SDK1: variants seen among roughly 807,000 people sequenced by gnomAD.
SDK1 encodes the protein sidekick cell adhesion molecule 1.
SDK1 carries 157 observed loss-of-function variants against 245.5 expected under a neutral mutation model. That is an observed-to-expected ratio of 0.64 (90% CI 0.56 to 0.73). SDK1 has a LOEUF of 0.73. SDK1 is among the 30% of genes least tolerant of loss of function. The pLI, the probability that SDK1 is intolerant of heterozygous loss-of-function variation, is 0.00. For synonymous variants in SDK1, 1,647 were observed against 1,278.5 expected, an observed-to-expected ratio of 1.29 and a Z score of -6.15; for missense variants, 3,583 against 3,002.3, an observed-to-expected ratio of 1.19 and a Z score of -4.52.
At chr7:3,586,764 C>A (rs541596191) in intron 1 of SDK1, among the ~76,000 whole-genome samples, 12 of 150,900 alleles carry the variant, frequency 8.0e-5, no homozygotes, top group Admixed American at 2.6e-4. Flanking sequence ...TGTCTAAGGA[C>A]AGAGTAGCCT....
At chr7:3,392,203 A>G (rs1781776219) in intron 1 of SDK1, among the ~76,000 whole-genome samples, 1 of 152,182 alleles carries the variant, frequency 6.6e-6, no homozygotes, top group South Asian at 2.1e-4. Flanking sequence ...AGTAAAGAGA[A>G]AAGCATGATG....
chr7:4,045,182 A>G (rs762861107), intron 17 of SDK1, among the ~76,000 whole-genome samples: 1 of 152,132 alleles, frequency 6.6e-6, no homozygotes, highest in African/African-American at 2.4e-5. Context: ...GTTTAAAAAC[A>G]TTTAGGATGT....
intron 44 of SDK1, among the ~76,000 whole-genome samples, chr7:4,258,429 G>T (rs975571097): frequency 2.0e-5 from 3 of 152,174 alleles, no homozygotes; most frequent in African/African-American, 4.8e-5. Context: ...TTCGTAGCAT[G>T]CCCTCCCACT....
intron 19 of SDK1, among the ~76,000 whole-genome samples, chr7:4,065,704 T>G (rs942831953): frequency 1.2e-4 from 10 of 81,266 alleles, no homozygotes; most frequent in African/African-American, 5.7e-4. Context: ...GTTTTTTTTT[T>G]TTTTTTTTTT....
chr7:3,393,841 T>A (rs994174499), intron 1 of SDK1, among the ~76,000 whole-genome samples: 1 of 152,206 alleles, frequency 6.6e-6, no homozygotes, highest in South Asian at 2.1e-4. Flanking sequence ...TTGTTCACTG[T>A]TGTCTTATTT....
intron 30 of SDK1, among the ~76,000 whole-genome samples, chr7:4,151,645 C>T (rs1780390599): frequency 6.6e-6 from 1 of 152,186 alleles, no homozygotes; most frequent in South Asian, 2.1e-4. Flanking sequence ...TCCTCGTCGC[C>T]ATCATTATTT....
chr7:3,575,467 A>G (rs1194132391), intron 1 of SDK1, among the ~76,000 whole-genome samples: 1 of 151,666 alleles, frequency 6.6e-6, no homozygotes, highest in Non-Finnish European at 1.5e-5. Flanking sequence ...GTCCCTAAGA[A>G]CATCTAATTT....
At chr7:3,979,722 C>G (rs1783246061) in intron 13 of SDK1, among the ~76,000 whole-genome samples, 2 of 152,180 alleles carry the variant, frequency 1.3e-5, no homozygotes, top group Non-Finnish European at 2.9e-5. Context: ...CGTCTTTGCT[C>G]TAGTTTTCTA....
intron 1 of SDK1, among the ~76,000 whole-genome samples, chr7:3,570,577 C>G (rs565032443): frequency 2.6e-5 from 4 of 152,272 alleles, no homozygotes; most frequent in African/African-American, 9.6e-5. Flanking sequence ...ATTACTCTTT[C>G]AAGAAAGTCT....
chr7:3,505,223 A>G (rs565150850), intron 1 of SDK1, among the ~76,000 whole-genome samples: 1 of 151,860 alleles, frequency 6.6e-6, no homozygotes, highest in East Asian at 1.9e-4. Flanking sequence ...TTTTTGATCT[A>G]GGGTTTACAA....
chr7:4,190,445 G>A (rs1335825946), intron 35 of SDK1, among the ~76,000 whole-genome samples: 1 of 152,228 alleles, frequency 6.6e-6, no homozygotes, highest in African/African-American at 2.4e-5. Flanking sequence ...TGAGAGTGAT[G>A]AGTCAGCTTT....
intron 14 of SDK1, among the ~76,000 whole-genome samples, chr7:4,003,819 C>T (rs1785254748): frequency 6.6e-6 from 1 of 152,242 alleles, no homozygotes; most frequent in Non-Finnish European, 1.5e-5. Context: ...GAGAGACAGT[C>T]TGTTGTGGTG....
intron 14 of SDK1, among the ~76,000 whole-genome samples, chr7:4,005,039 CTTTTTT>C (rs1162979240): frequency 1.1e-5 from 1 of 91,002 alleles, no homozygotes; most frequent in African/African-American, 4.6e-5. Flanking sequence ...GTTCCTGCAC[CTTTTTT>C]TTTTTTTTTT....
chr7:3,538,636 A>G (rs1778965350), intron 1 of SDK1, among the ~76,000 whole-genome samples: 1 of 152,108 alleles, frequency 6.6e-6, no homozygotes, highest in South Asian at 2.1e-4. Context: ...ATTCCTTCTA[A>G]TGGGAGAACT....
intron 5 of SDK1, among the ~76,000 whole-genome samples, chr7:3,949,829 A>C (rs1583610688): frequency 6.6e-6 from 1 of 152,230 alleles, no homozygotes; most frequent in Non-Finnish European, 1.5e-5. Context: ...CAGGATATTT[A>C]CTTTTCAGAA....
At chr7:4,027,047 G>C (rs918996134) in intron 17 of SDK1, among the ~76,000 whole-genome samples, 7 of 152,198 alleles carry the variant, frequency 4.6e-5, no homozygotes, top group African/African-American at 1.7e-4. Context: ...GTGCTGTTGT[G>C]CAGGACGTGA....
At chr7:3,971,330 C>G (rs547723512) in intron 11 of SDK1, 136 bp from the exon 12 acceptor site, 16 of 652,304 alleles carry the variant, frequency 2.5e-5, no homozygotes, top group Middle Eastern at 3.8e-4. Flanking sequence ...TGAGAGTGAT[C>G]CATTTACACT....
chr7:3,596,799 G>C (rs188587038), intron 1 of SDK1, among the ~76,000 whole-genome samples: 2 of 152,170 alleles, frequency 1.3e-5, no homozygotes, highest in Non-Finnish European at 2.9e-5. Context: ...CCTAAGTTCA[G>C]AGTAACTCAT....
chr7:3,967,645 G>A (rs528756751), intron 10 of SDK1, among the ~76,000 whole-genome samples: 1 of 152,344 alleles, frequency 6.6e-6, no homozygotes, highest in East Asian at 1.9e-4. Context: ...AGTGGGGGCT[G>A]ATGGTCTAAG....
Sources: gnomAD v4.1 joint callset for allele counts (sites outside exome capture counted in the v4.1 genomes callset) on GRCh38, gnomAD v4.1.1 for gene constraint, MANE v1.5 for transcripts, NCBI Gene and HGNC (gene_info 2026-07-23, HGNC 2026-07-21) for gene names.